MDFI: variants seen among roughly 807,000 people sequenced by gnomAD.
MDFI encodes inhibitor of MyoD family a.
Under a neutral mutation model 22.3 loss-of-function variants are expected in MDFI, and 16 were observed. The observed-to-expected ratio is 0.72, with a 90% confidence interval of 0.49 to 1.09. The LOEUF (loss-of-function observed/expected upper bound fraction) is 1.09. Among genes scored for constraint, MDFI ranks in the 50% least tolerant of loss-of-function variants. MDFI has a pLI of 0.00. For missense variants in MDFI, 314 were observed against 326.1 expected, an observed-to-expected ratio of 0.96 and a Z score of 0.29; for synonymous variants, 145 against 142.7, an observed-to-expected ratio of 1.02 and a Z score of -0.12.
intron 3 of MDFI, 94 bp downstream of exon 3, chr6:41,646,402 C>T: frequency 8.6e-7 from 1 of 1,159,826 alleles, no homozygotes; most frequent in Non-Finnish European, 1.1e-6. Flanking sequence ...GGTGCACCCG[C>T]TTGGCCAGAA....
chr6:41,639,877 G>C lies in MDFI; in HGVS notation c.76+1052G>C, dbSNP rs1767784506. 7.1e-6 allele frequency: 7 copies of C among 985,296 alleles called. No homozygotes were observed. The South Asian group carries it at 2.8e-4, about 40-fold the overall frequency. 61.0% of individuals were successfully genotyped at this position (985,296 alleles called of 1,614,324 possible). A position where few individuals can be genotyped will look rare whatever the true frequency, so the allele number is the denominator to read the frequency against. The stretch of plus-strand genomic sequence containing the variant: ...CCACATGCGCCCTCGAAGCCGGCCT[G>C]CCTGCCTGTTCTAGGAGGCCCCTCT... On this transcript the variant is annotated intron_variant, in intron 2 of 4. Coordinates refer to ENST00000230321, the MANE Select transcript of MDFI (RefSeq NM_005586.4).
At position 41,649,635 on chromosome 6, in the gene MDFI, C is replaced by T. The variant is rs1385268447; in HGVS notation, c.276C>T (p.Asn92=). The T allele has an allele frequency of 3.1e-6, 5 of 1,602,344 alleles. No homozygotes were observed. The African/African-American group carries it at 5.4e-5, about 17-fold the overall frequency. ...TCTCTCCAGGCCAGCCTCAGGGGAA[C>T]CCCTTGGGCTGCACCCCACTTCTGC... The part of the protein sequence containing the change: ...TEAVTCQPQG[N]PLGCTPLLPN... The change falls in exon 4 of 5, where the codon AAC becomes AAT. Residue 92 remains asparagine (N), a synonymous_variant. Coordinates refer to ENST00000230321, the MANE Select transcript of MDFI (RefSeq NM_005586.4).
intron 2 of MDFI, among the ~76,000 whole-genome samples, chr6:41,640,790 C>T (rs953388626): frequency 7.2e-5 from 11 of 152,182 alleles, no homozygotes; most frequent in Non-Finnish European, 1.5e-4. Context: ...TGGCCAAGCC[C>T]CCACACCCTT....
chr6:41,638,298 C>G (rs188470394), upstream of MDFI: 583 of 164,904 alleles, frequency 3.5e-3, 3 homozygotes, highest in African/African-American at 0.013. This position sits in a 1 kb window ranked among gnomAD's most constrained non-coding sequence, Gnocchi z 7.6. Flanking sequence ...TCGGGCGCCC[C>G]GCGGACAGAC....
intron 2 of MDFI, chr6:41,639,412 C>T (rs1767766506): frequency 1.0e-6 from 1 of 985,334 alleles, no homozygotes; most frequent in South Asian, 4.7e-5. Context: ...AACCCAGTGT[C>T]TTCAGCCCAA....
chr6:41,643,571 A>AAGGAAGGAAGGAAGGAAGGAAGGC (rs1767935293), intron 2 of MDFI, among the ~76,000 whole-genome samples: 1 of 97,984 alleles, frequency 1.0e-5, no homozygotes, highest in Non-Finnish European at 2.2e-5. Flanking sequence ...GGAAGGAAGG[A>AAGGAAGGAAGGAAGGAAGGAAGGC]AGGAAGGAGG....
Position 41,649,921 on chromosome 6 carries a change from G to C in MDFI, c.484+78G>C. ...CGAAGCATGACGCATGGGCCCACTGGAGCACCTTCACCAGGCTGTTACTTA... is the reference window on the plus strand; with the variant it reads ...CGAAGCATGACGCATGGGCCCACTGCAGCACCTTCACCAGGCTGTTACTTA... On this transcript the variant is annotated intron_variant, in intron 4 of 4. Transcript: ENST00000230321. The C allele has an allele frequency of 3.3e-6, 4 of 1,215,022 alleles. No individual in the cohort carries two copies. The Admixed American group carries it at 6.4e-5, about 19-fold the overall frequency. The allele number at this position is 1,215,022 out of a possible 1,614,324, so 75.3% of individuals were successfully genotyped here.
At chr6:41,640,102 C>T (rs1032110534) in intron 2 of MDFI, among the ~76,000 whole-genome samples, 1 of 152,216 alleles carries the variant, frequency 6.6e-6, no homozygotes, top group African/African-American at 2.4e-5. Context: ...GCAGGATGAG[C>T]GCCTCCAAGA....
rs1436124973 is a variant in MDFI, at chr6:41,653,407, C to T, written c.573C>T (p.Ser191=). 1 of 1,610,302 alleles carries T rather than the reference C, an allele frequency of 6.2e-7. No homozygotes were observed. The highest frequency in any genetic ancestry group is 8.5e-7 in the Non-Finnish European group (1 of 1,179,992). ...NIVLDCATCG[S]CSSEDSCLCC... ...TCCTGGACTGCGCCACCTGTGGCTC[C>T]TGCAGCTCGGAGGACTCGTGCCTCT... Residue 191 remains serine (S), a synonymous_variant, in exon 5 of 5, where the codon TCC becomes TCT. Transcript: ENST00000230321. This position sits in a 1 kb window ranked among gnomAD's most constrained non-coding sequence, Gnocchi z 4.2.
At chr6:41,651,511 C>A (rs2127435949) in intron 4 of MDFI, among the ~76,000 whole-genome samples, 1 of 152,064 alleles carries the variant, frequency 6.6e-6, no homozygotes, top group Admixed American at 6.5e-5. Flanking sequence ...AGACTCCTAG[C>A]AGGCAGGGGT....
intron 2 of MDFI, chr6:41,639,832 C>T (rs1340870370): frequency 2.0e-6 from 2 of 985,468 alleles, no homozygotes; most frequent in African/African-American, 1.7e-5. Flanking sequence ...CAAGCTCCTT[C>T]CCTTCTCTGG....
rs952313237 is a variant in MDFI at position 41,653,253 on chromosome 6, G to A, written c.485-66G>A. 1.2e-5 allele frequency: 18 copies of A among 1,532,208 alleles called. No homozygotes were observed. Among genetic ancestry groups the A allele is most frequent in the African/African-American group, 8.1e-5 (6 of 73,632 alleles). 94.9% of individuals were successfully genotyped at this position (1,532,208 alleles called of 1,614,324 possible). On this transcript the variant is annotated intron_variant, in intron 4 of 4. Transcript: ENST00000230321. This position sits in a 1 kb window ranked among gnomAD's most constrained non-coding sequence, Gnocchi z 4.2. ...CGCTGCCGCAGGCCCCCACACCCCC[G>A]GCTATTTCACACACGCTCATCCCTC... is the stretch of plus-strand genomic sequence containing the variant.
intron 2 of MDFI, among the ~76,000 whole-genome samples, chr6:41,643,572 A>AGGGAG (rs1767935475): frequency 1.1e-5 from 1 of 89,824 alleles, no homozygotes; most frequent in African/African-American, 5.3e-5. Flanking sequence ...GAAGGAAGGA[A>AGGGAG]GGAAGGAGGG....
At position 41,653,774 on chromosome 6, in the gene MDFI, G is replaced by A. The variant is rs1022060827; in HGVS notation, c.*199G>A. The A allele has an allele frequency of 6.1e-6, 4 of 660,816 alleles. No individual in the cohort carries two copies. The highest frequency in any genetic ancestry group is 1.9e-5 in the South Asian group (1 of 51,944). The allele number at this position is 660,816 out of a possible 1,614,324, so 40.9% of individuals were successfully genotyped here. ...TCAGAGGGGCCACCTCCTCAGCCGT[G>A]GGTGGTGGGCCCATGGCAGAGAAGC... On this transcript the variant is annotated 3_prime_UTR_variant, in exon 5 of 5. Transcript: ENST00000230321. This position sits in a 1 kb window ranked among gnomAD's most constrained non-coding sequence, Gnocchi z 4.2.
chr6:41,638,396 G>A (rs1290575977), upstream of MDFI: 4 of 284,996 alleles, frequency 1.4e-5, no homozygotes, highest in East Asian at 9.7e-5. The surrounding 1 kb of genome is among the most constrained non-coding windows in gnomAD (Gnocchi z 7.6). Context: ...GGCGGGGAGA[G>A]GGTGGGCCAG....
rs1027227554 is a variant in MDFI, at chr6:41,653,044, G to A, written c.485-275G>A. Among the ~76,000 whole-genome samples, 3 of 152,198 alleles carry A rather than the reference G, an allele frequency of 2.0e-5. No homozygotes were observed. Among genetic ancestry groups the A allele is most frequent in the African/African-American group, 4.8e-5 (2 of 41,448 alleles). ...GCACTCAGAACAGTGCCAAGAACAT[G>A]TATCACTCCATATGTTGGTTAAACA... On this transcript the variant is annotated intron_variant, in intron 4 of 4. Transcript: ENST00000230321. This position sits in a 1 kb window ranked among gnomAD's most constrained non-coding sequence, Gnocchi z 4.2.
chr6:41,639,238 C>G, intron 2 of MDFI: 1 of 985,342 alleles, frequency 1.0e-6, no homozygotes, highest in Non-Finnish European at 1.2e-6. Flanking sequence ...TCCCTTCCCC[C>G]AGCCCAACCA....
intron 2 of MDFI, among the ~76,000 whole-genome samples, chr6:41,644,585 A>T (rs1767978114): frequency 6.6e-6 from 1 of 152,066 alleles, no homozygotes. Flanking sequence ...CCAGGGAGGC[A>T]GCTGGGCCAC....
chr6:41,637,968 C>T (rs993943553), upstream of MDFI, among the ~76,000 whole-genome samples: 3 of 152,192 alleles, frequency 2.0e-5, no homozygotes, highest in African/African-American at 4.8e-5. The surrounding 1 kb of genome is among the most constrained non-coding windows in gnomAD (Gnocchi z 6.8). Context: ...GGCCTGGGAG[C>T]CCAGATCCCT....
Sources: gnomAD v4.1 joint callset for allele counts (sites outside exome capture counted in the v4.1 genomes callset) on GRCh38, gnomAD v4.1.1 for gene constraint, Gnocchi (gnomAD v3.1) non-coding constraint, MANE v1.5 for transcripts, NCBI Gene and HGNC (gene_info 2026-07-23, HGNC 2026-07-21) for gene names.